PALLD: variants seen among roughly 807,000 people sequenced by gnomAD.
PALLD encodes the protein palladin.
Under a neutral mutation model 123.5 loss-of-function variants are expected in PALLD, and 61 were observed. That is an observed-to-expected ratio of 0.49 (90% CI 0.40 to 0.61). PALLD has a LOEUF of 0.61. Ranked by LOEUF, PALLD falls within the 20% of genes least tolerant of loss-of-function variation. The pLI, the probability that PALLD is intolerant of heterozygous loss-of-function variation, is 0.00. For missense variants in PALLD, 1,273 were observed against 1,377.0 expected (o/e 0.92, Z 1.20); for synonymous variants, 465 against 496.4 (o/e 0.94, Z 0.84).
At chr4:168,634,470 T>C (rs1240992221) in intron 2 of PALLD, among the ~76,000 whole-genome samples, 1 of 152,254 alleles carries the variant, frequency 6.6e-6, no homozygotes, top group Non-Finnish European at 1.5e-5. Flanking sequence ...CACTGTGGTT[T>C]GTGGCATGTT....
intron 10 of PALLD, among the ~76,000 whole-genome samples, chr4:168,825,970 G>A (rs1269279096): frequency 1.3e-5 from 2 of 152,086 alleles, no homozygotes; most frequent in South Asian, 4.1e-4. Flanking sequence ...GGCCATCTTT[G>A]TCTATTATCC....
intron 10 of PALLD, among the ~76,000 whole-genome samples, chr4:168,852,976 A>C (rs2150987671): frequency 6.6e-6 from 1 of 152,320 alleles, no homozygotes. Flanking sequence ...ATTTACTGTT[A>C]AACTTTACAA....
At chr4:168,917,726 T>C (rs1020316883) in intron 17 of PALLD, among the ~76,000 whole-genome samples, 4 of 152,116 alleles carry the variant, frequency 2.6e-5, no homozygotes, top group African/African-American at 7.2e-5. Flanking sequence ...ATAACAAAAA[T>C]ATTTTATTTC....
At chr4:168,883,290 A>G (rs1416547390) in intron 10 of PALLD, among the ~76,000 whole-genome samples, 1 of 152,202 alleles carries the variant, frequency 6.6e-6, no homozygotes, top group Non-Finnish European at 1.5e-5. Flanking sequence ...TTGATATACA[A>G]AAGCTCAGTT....
At chr4:168,525,612 T>C (rs1202176820) in intron 2 of PALLD, among the ~76,000 whole-genome samples, 1 of 152,240 alleles carries the variant, frequency 6.6e-6, no homozygotes, top group African/African-American at 2.4e-5. Flanking sequence ...AAATTTTTAA[T>C]TGGAGGGGAT....
intron 10 of PALLD, among the ~76,000 whole-genome samples, chr4:168,770,405 C>T (rs930629014): frequency 1.1e-4 from 16 of 152,184 alleles, no homozygotes; most frequent in Admixed American, 2.0e-4. Context: ...GAACTGCACC[C>T]GTGGGTAGCT....
Position 168,921,635 on chromosome 4 carries a change from C to G in PALLD, c.2952C>G (p.His984Gln). ...TGCTGGTGCGTGAGAACGGGGTGCA[C>G]TCTCTGATCATAGAGCCAGTCACGT... Reference protein sequence around the residue: ...HKMLVRENGVHSLIIEPVTSR... With the variant: ...HKMLVRENGVQSLIIEPVTSR... Residue 984 changes from histidine (H) to glutamine (Q), a missense_variant, in exon 18 of 22, where the codon CAC becomes CAG. This residue lies in a region of PALLD where 329 missense variants were observed against 422.5 expected (regional missense o/e 0.78). Transcript: ENST00000505667. 1 of 1,611,374 alleles carries G rather than the reference C, an allele frequency of 6.2e-7. No individual in the cohort carries two copies. Among genetic ancestry groups the G allele is most frequent in the Non-Finnish European group, 8.5e-7 (1 of 1,179,646 alleles).
At chr4:168,784,496 C>T (rs192508508) in intron 10 of PALLD, among the ~76,000 whole-genome samples, 97 of 152,222 alleles carry the variant, frequency 6.4e-4, no homozygotes, top group African/African-American at 2.2e-3. Context: ...TACTGGTGCC[C>T]AAGTGGAGAC....
intron 3 of PALLD, among the ~76,000 whole-genome samples, chr4:168,674,098 A>G (rs1376598978): frequency 6.6e-6 from 1 of 152,096 alleles, no homozygotes; most frequent in Admixed American, 6.6e-5. Context: ...TATTTTTAGT[A>G]AAGATGGGGT....
At chr4:168,617,081 G>T (rs538293009) in intron 2 of PALLD, among the ~76,000 whole-genome samples, 1 of 152,140 alleles carries the variant, frequency 6.6e-6, no homozygotes, top group Non-Finnish European at 1.5e-5. Context: ...GGGCATCATG[G>T]CTGGCACTCA....
intron 2 of PALLD, among the ~76,000 whole-genome samples, chr4:168,542,614 C>T (rs1304694511): frequency 6.7e-6 from 1 of 148,858 alleles, no homozygotes. Flanking sequence ...ACCATGACTA[C>T]TTATGTAAAG....
At chr4:168,576,122 A>T (rs1769551505) in intron 2 of PALLD, among the ~76,000 whole-genome samples, 1 of 152,168 alleles carries the variant, frequency 6.6e-6, no homozygotes, top group South Asian at 2.1e-4. Flanking sequence ...GTATCATTGC[A>T]TTTAATTGTT....
At chr4:168,559,249 A>G (rs1426631308) in intron 2 of PALLD, among the ~76,000 whole-genome samples, 1 of 152,186 alleles carries the variant, frequency 6.6e-6, no homozygotes, top group African/African-American at 2.4e-5. Flanking sequence ...TTAGCCTCTG[A>G]AAACTCTAAT....
chr4:168,631,518 T>C, intron 2 of PALLD: 1 of 708,250 alleles, frequency 1.4e-6, no homozygotes, highest in African/African-American at 1.9e-5. Context: ...TTCTGGAGTT[T>C]AGCAGCATTC....
At chr4:168,509,087 T>A (rs1762290546) in intron 1 of PALLD, among the ~76,000 whole-genome samples, 1 of 152,244 alleles carries the variant, frequency 6.6e-6, no homozygotes. Context: ...CACAGGGGTC[T>A]ATGCCTTTTA....
chr4:168,757,303 T>C (rs1257274500), intron 10 of PALLD, among the ~76,000 whole-genome samples: 1 of 152,232 alleles, frequency 6.6e-6, no homozygotes, highest in Non-Finnish European at 1.5e-5. Flanking sequence ...TGTATTACAT[T>C]GCCAAGTCAA....
intron 10 of PALLD, among the ~76,000 whole-genome samples, chr4:168,824,567 G>T (rs1387923611): frequency 6.6e-6 from 1 of 151,754 alleles, no homozygotes; most frequent in Non-Finnish European, 1.5e-5. Flanking sequence ...ACTAAAAACA[G>T]ACAAATATCA....
chr4:168,913,356 C>T (rs1759429376), intron 15 of PALLD, among the ~76,000 whole-genome samples: 2 of 152,030 alleles, frequency 1.3e-5, no homozygotes, highest in Admixed American at 6.6e-5. Flanking sequence ...CCAGGCTGGG[C>T]TCGAACTCCT....
intron 10 of PALLD, among the ~76,000 whole-genome samples, chr4:168,886,944 C>T (rs1011978487): frequency 1.1e-4 from 16 of 151,524 alleles, no homozygotes; most frequent in African/African-American, 3.6e-4. Context: ...TGGTGAAACC[C>T]CATCTCTACT....
Sources: gnomAD v4.1 joint callset for allele counts (sites outside exome capture counted in the v4.1 genomes callset) on GRCh38, gnomAD v4.1.1 for gene constraint, gnomAD v4.1.1 regional missense constraint, MANE v1.5 for transcripts, NCBI Gene and HGNC (gene_info 2026-07-23, HGNC 2026-07-21) for gene names.